ABCB11: variants seen among roughly 807,000 people sequenced by gnomAD.
ABCB11 encodes ATP binding cassette subfamily B member 11.
A neutral mutation model predicts 148.0 loss-of-function variants in ABCB11; 95 were observed. The ratio of observed to expected loss-of-function variants is 0.64; its 90% confidence interval spans 0.54 to 0.76. The LOEUF is 0.76. ABCB11 is among the 30% of genes least tolerant of loss of function. The probability of loss-of-function intolerance (pLI) is 0.00; values close to 1 mark genes in which losing one functional copy is unlikely to be tolerated. For missense variants in ABCB11, 1,523 were observed against 1,617.8 expected, an observed-to-expected ratio of 0.94 and a Z score of 1.01; for synonymous variants, 591 against 555.4, an observed-to-expected ratio of 1.06 and a Z score of -0.90.
In ABCB11 at chr2:169,029,968, T is replaced by C. The variant is rs532889968; in HGVS notation, c.-28+1257A>G. On this transcript the variant is annotated intron_variant, in intron 1 of 27. Transcript: ENST00000650372. ...TGTTAGCCAGGATGGTCTCGATCTC[T>C]TGACCTCATGATCCACCCGCCTCGG... Among the ~76,000 whole-genome samples the C allele has an allele frequency of 2.3e-4, 28 of 121,990 alleles. 2 individuals carry two copies. Among genetic ancestry groups the C allele is most frequent in the African/African-American group, 7.1e-4 (22 of 30,954 alleles). The allele number at this position is 121,990 out of a possible 152,430, so 80.0% of individuals were successfully genotyped here.
chr2:168,923,910 T>C lies in ABCB11; in HGVS notation c.3766-88A>G, dbSNP rs963321024. The C allele has an allele frequency of 3.9e-6, 5 of 1,286,002 alleles. No individual in the cohort carries two copies. In the Admixed American group the frequency reaches 7.5e-5, roughly 19 times the overall value. The allele number at this position is 1,286,002 out of a possible 1,614,324, so 79.7% of individuals were successfully genotyped here. A position where few individuals can be genotyped will look rare whatever the true frequency, so the allele number is the denominator to read the frequency against. ...GAGAGTTCAGTTAACACGACCTGAA[T>C]AACAATCCTATACTTGACGGCAAAC... is the stretch of plus-strand genomic sequence containing the variant. On this transcript the variant is annotated intron_variant, in intron 27 of 27. Transcript: ENST00000650372.
intron 21 of ABCB11, among the ~76,000 whole-genome samples, chr2:168,942,142 T>C (rs535339554): frequency 6.6e-6 from 1 of 151,932 alleles, no homozygotes; most frequent in South Asian, 2.1e-4. Context: ...TCTCAACTCA[T>C]TTACAGATAT....
rs1330764212 is a variant in ABCB11 at position 168,930,741 on chromosome 2, A to G, written c.3335T>C (p.Val1112Ala). 34 of 1,610,696 alleles carry G rather than the reference A, an allele frequency of 2.1e-5. No homozygotes were observed. The highest frequency in any genetic ancestry group is 2.8e-5 in the Non-Finnish European group (33 of 1,177,644). The change falls in exon 25 of 28, where the codon GTT becomes GCT. Residue 1112 changes from valine to alanine, a missense_variant. Val to Ala is a moderately conservative substitution (Grantham distance 64, BLOSUM62 0). Coordinates refer to ENST00000650372, the MANE Select transcript of ABCB11 (RefSeq NM_003742.4). ...SISPGQTLAFVGSSGCGKSTS... is the reference protein window; with the variant it reads ...SISPGQTLAFAGSSGCGKSTS... ...GCTTTTGCCACATCCACTGCTCCCA[A>G]CAAACGCCAGTGTCTGCCCTGGACT...
At chr2:168,962,312 A>G (rs1368916104) in intron 18 of ABCB11, among the ~76,000 whole-genome samples, 1 of 151,718 alleles carries the variant, frequency 6.6e-6, no homozygotes, top group East Asian at 2.0e-4. Context: ...GTTCTATTCT[A>G]AATGTATAAT....
At chr2:168,996,177 C>T (rs919400268) in intron 6 of ABCB11, among the ~76,000 whole-genome samples, 33 of 151,954 alleles carry the variant, frequency 2.2e-4, no homozygotes, top group African/African-American at 7.5e-4. Context: ...CAAGCCCTTC[C>T]AACACTTAAA....
chr2:169,021,319 C>T (rs552329424), intron 1 of ABCB11, among the ~76,000 whole-genome samples: 35 of 151,832 alleles, frequency 2.3e-4, no homozygotes, highest in Non-Finnish European at 4.9e-4. Context: ...AAAAATGGTC[C>T]AAAATTAAAG....
At chr2:168,943,807 A>T (rs1165123677) in intron 21 of ABCB11, among the ~76,000 whole-genome samples, 1 of 151,936 alleles carries the variant, frequency 6.6e-6, no homozygotes, top group Non-Finnish European at 1.5e-5. Context: ...TTCTTCTAAG[A>T]GCCTCACAGA....
At chr2:168,939,704 T>C (rs1691978863) in intron 21 of ABCB11, among the ~76,000 whole-genome samples, 1 of 151,900 alleles carries the variant, frequency 6.6e-6, no homozygotes, top group Non-Finnish European at 1.5e-5. Context: ...AAAGACAAAA[T>C]GATCTTTTTT....
chr2:168,997,669 C>T (rs911123508), intron 5 of ABCB11, among the ~76,000 whole-genome samples: 5 of 151,974 alleles, frequency 3.3e-5, no homozygotes, highest in African/African-American at 4.8e-5. Flanking sequence ...ACATCCTTTC[C>T]GCTCTCTGTC....
At chr2:168,978,161 TCA>T (rs1693996279) in intron 11 of ABCB11, among the ~76,000 whole-genome samples, 1 of 132,454 alleles carries the variant, frequency 7.5e-6, no homozygotes, top group Non-Finnish European at 1.6e-5. Context: ...TTTTTTTTTT[TCA>T]GAGACAGGGT....
At chr2:168,979,789 A>C in intron 11 of ABCB11, 77 bp downstream of exon 11, 1 of 779,770 alleles carries the variant, frequency 1.3e-6, no homozygotes, top group Non-Finnish European at 2.0e-6. Context: ...TTTAAGGTAA[A>C]TTCTTCAGGA....
chr2:169,004,670 C>T (rs114702759), intron 5 of ABCB11, among the ~76,000 whole-genome samples: 2 of 152,128 alleles, frequency 1.3e-5, no homozygotes, highest in Admixed American at 6.5e-5. Flanking sequence ...CTTTTTCTGG[C>T]AATTCAGAGA....
chr2:169,023,167 G>A (rs930866391), intron 1 of ABCB11, among the ~76,000 whole-genome samples: 1 of 152,132 alleles, frequency 6.6e-6, no homozygotes, highest in African/African-American at 2.4e-5. Context: ...TATCTAGCAA[G>A]GCTAAACATG....
At chr2:169,013,712 T>G (rs1371522482) in intron 4 of ABCB11, among the ~76,000 whole-genome samples, 1 of 152,176 alleles carries the variant, frequency 6.6e-6, no homozygotes, top group Non-Finnish European at 1.5e-5. Flanking sequence ...AACATTAGAC[T>G]CTTACATTGT....
chr2:168,978,132 CTTTTT>C (rs35964117), intron 11 of ABCB11, among the ~76,000 whole-genome samples: 2 of 53,128 alleles, frequency 3.8e-5, no homozygotes, highest in African/African-American at 1.7e-4. Context: ...AATAAATTGA[CTTTTT>C]TTTTTTTTTT....
At position 168,930,731 on chromosome 2, in the gene ABCB11, A is replaced by G. The variant is rs1352305051; in HGVS notation, c.3345T>C (p.Ser1115=). 6.2e-7 allele frequency: 1 copy of G among 1,607,658 alleles called. No individual in the cohort carries two copies. Among genetic ancestry groups the G allele is most frequent in the African/African-American group, 1.3e-5 (1 of 74,838 alleles). Residue 1115 remains serine (S), a synonymous_variant, in exon 25 of 28, where the codon AGT becomes AGC. Coordinates refer to ENST00000650372, the MANE Select transcript of ABCB11 (RefSeq NM_003742.4). ...PGQTLAFVGS[S]GCGKSTSIQL... ...GAATGCTAGTGCTTTTGCCACATCCACTGCTCCCAACAAACGCCAGTGTCT... is the reference window on the plus strand; with the variant it reads ...GAATGCTAGTGCTTTTGCCACATCCGCTGCTCCCAACAAACGCCAGTGTCT...
At chr2:168,933,108 C>CA (rs61264551) in intron 23 of ABCB11, among the ~76,000 whole-genome samples, 64,369 of 111,832 alleles carry the variant, frequency 0.58, 16,268 homozygotes, top group South Asian at 0.69. Context: ...GACTCCGTCT[C>CA]AAAAAAAAAA....
chr2:168,936,250 C>T lies in ABCB11; in HGVS notation c.2794G>A (p.Ala932Thr), dbSNP rs1207644034. ...LTGFASRDKQ[A>T]LEMVGQITNE... Reference sequence around the variant, plus strand: ...ATTACCTGTCCCACCATCTCCAGGGCCTGCTTATCTCGAGAGGCAAATCCT... The same window carrying T: ...ATTACCTGTCCCACCATCTCCAGGGTCTGCTTATCTCGAGAGGCAAATCCT... Residue 932 changes from alanine to threonine, a missense_variant, in exon 22 of 28, where the codon GCC (alanine) becomes ACC (threonine). Physicochemically the swap from Ala to Thr is moderately conservative, Grantham distance 58 (BLOSUM62 0). Transcript: ENST00000650372. The T allele has an allele frequency of 5.6e-6, 9 of 1,613,712 alleles. No homozygotes were observed. Among genetic ancestry groups the T allele is most frequent in the Non-Finnish European group, 7.6e-6 (9 of 1,179,740 alleles).
At chr2:168,995,566 A>G in intron 6 of ABCB11, 84 bp from the exon 7 acceptor site, 2 of 1,417,216 alleles carry the variant, frequency 1.4e-6, no homozygotes, top group Non-Finnish European at 1.9e-6. Context: ...TACTTTCAAT[A>G]CAACAGTTGA....
Sources: allele counts gnomAD v4.1 joint callset (sites outside exome capture counted in the v4.1 genomes callset), GRCh38; gene constraint gnomAD v4.1.1; transcripts MANE v1.5; gene names NCBI Gene and HGNC (gene_info 2026-07-23, HGNC 2026-07-21).